The following EP300 variants were observed in gnomAD, a reference collection of about 807,000 sequenced individuals.
The protein encoded by EP300 is histone acetyltransferase p300.
EP300 carries 31 observed loss-of-function variants against 264.0 expected under a neutral mutation model. That is an observed-to-expected ratio of 0.12 (90% CI 0.09 to 0.16). The LOEUF (loss-of-function observed/expected upper bound fraction) is 0.16, where lower values mean the gene tolerates loss of function less well. Ranked by LOEUF, EP300 falls within the 10% of genes least tolerant of loss-of-function variation. EP300 has a pLI of 1.00. For missense variants in EP300, 2,766 were observed against 3,052.9 expected (o/e 0.91, Z 2.21); for synonymous variants, 1,340 against 1,045.4 (o/e 1.28, Z -5.44).
chr22:41,178,022 C>A lies in EP300; in HGVS notation c.6311C>A (p.Pro2104His), dbSNP rs138584705. ...NSNPQPIPGQ[P>H]GMPQGQPGLQ... ...AATCCACAACCCATCCCTGGGCAGC[C>A]TGGCATGCCCCAGGGGCAGCCAGGG... is the stretch of plus-strand genomic sequence containing the variant. The change falls in exon 31 of 31, where the codon CCT becomes CAT. Residue 2104 changes from proline to histidine, a missense_variant. Coordinates refer to ENST00000263253, the MANE Select transcript of EP300 (RefSeq NM_001429.4). 2.5e-6 allele frequency: 4 copies of A among 1,613,968 alleles called. No individual in the cohort carries two copies. The highest frequency in any genetic ancestry group is 2.5e-6 in the Non-Finnish European group (3 of 1,179,984).
rs1172068871 is a variant in EP300 at position 41,167,728 on chromosome 22, C to A, written c.3875-721C>A. On this transcript the variant is annotated intron_variant, in intron 23 of 30. Coordinates refer to ENST00000263253, the MANE Select transcript of EP300 (RefSeq NM_001429.4). ...TGAACTCCTGGATTCAAGCAATCCT[C>A]CCACCTCAGCCTCCCAAAGTACAAG... 1.9e-4 allele frequency among the ~76,000 whole-genome samples: 28 copies of A among 143,980 alleles called. 1 individual carries two copies. Among genetic ancestry groups the A allele is most frequent in the Non-Finnish European group, 7.5e-5 (5 of 66,304 alleles). The allele number at this position is 143,980 out of a possible 152,430, so 94.5% of individuals were successfully genotyped here.
chr22:41,154,954 T>A, intron 16 of EP300, 41 bp from the exon 17 acceptor site: 1 of 1,351,088 alleles, frequency 7.4e-7, no homozygotes, highest in Non-Finnish European at 1.1e-6. Flanking sequence ...GTTCTTCTGC[T>A]TAATTGGTAA....
intron 21 of EP300, among the ~76,000 whole-genome samples, chr22:41,163,456 T>A (rs1222788351): frequency 2.4e-5 from 3 of 124,768 alleles, no homozygotes; most frequent in East Asian, 5.3e-4. Context: ...AAAAAAAAAA[T>A]TAGCCAGGTT....
chr22:41,138,580 C>G (rs1243955420), intron 8 of EP300, among the ~76,000 whole-genome samples: 6 of 152,158 alleles, frequency 3.9e-5, no homozygotes, highest in Admixed American at 2.6e-4. Context: ...GGCACTCTCC[C>G]CTTACGAACT....
At chr22:41,120,525 A>G (rs1276747643) in intron 2 of EP300, among the ~76,000 whole-genome samples, 1 of 152,202 alleles carries the variant, frequency 6.6e-6, no homozygotes, top group Non-Finnish European at 1.5e-5. Context: ...TTGGCAAATG[A>G]CATCAGCTTT....
At chr22:41,093,157 C>T (rs540556596) in intron 1 of EP300, 59 bp downstream of exon 1, 27 of 1,524,018 alleles carry the variant, frequency 1.8e-5, no homozygotes, top group African/African-American at 4.1e-5. Flanking sequence ...CTCGGTGCGC[C>T]TTTATTCTTC....
intron 27 of EP300, 130 bp downstream of exon 27, chr22:41,170,701 AC>A (rs1370098639): frequency 1.5e-5 from 15 of 1,023,928 alleles, no homozygotes; most frequent in Non-Finnish European, 1.9e-5. Context: ...TCGCTCTGTC[AC>A]GCAGGCTGGA....
intron 18 of EP300, 72 bp downstream of exon 18, chr22:41,157,480 AAG>A: frequency 6.8e-7 from 1 of 1,477,196 alleles, no homozygotes; most frequent in South Asian, 1.1e-5. Context: ...TGACTGGGAT[AAG>A]AGAATATCCT....
At chr22:41,166,838 A>C (rs1211992121) in intron 23 of EP300, among the ~76,000 whole-genome samples, 172 bp downstream of exon 23, 1 of 152,238 alleles carries the variant, frequency 6.6e-6, no homozygotes, top group Non-Finnish European at 1.5e-5. Context: ...GAAATTTATT[A>C]GACCAAAGAA....
Position 41,147,860 on chromosome 22 carries a change from A to G in EP300, c.2155A>G (p.Ser719Gly), listed in dbSNP as rs199552095. ...AGGTTTGAATCAATTTGGCCAGATG[A>G]GCATGGCCCAGCCCCCTATTGTACC... ...QSGLNQFGQMSMAQPPIVPRQ... is the reference protein window; with the variant it reads ...QSGLNQFGQMGMAQPPIVPRQ... The change falls in exon 12 of 31, where the codon AGC becomes GGC. Residue 719 changes from serine (S) to glycine (G), a missense_variant. Physicochemically the swap from Ser to Gly is moderately conservative, Grantham distance 56 (BLOSUM62 0). Coordinates refer to ENST00000263253, the MANE Select transcript of EP300 (RefSeq NM_001429.4). The G allele has an allele frequency of 2.5e-6, 4 of 1,614,144 alleles. No individual in the cohort carries two copies. The highest frequency in any genetic ancestry group is 3.4e-6 in the Non-Finnish European group (4 of 1,179,992).
At chr22:41,170,652 A>AAT in intron 27 of EP300, 81 bp downstream of exon 27, 57 of 915,204 alleles carry the variant, frequency 6.2e-5, no homozygotes, top group Non-Finnish European at 8.2e-5. Flanking sequence ...CTGTCATTTA[A>AAT]CTTTTTTTTT....
At chr22:41,124,651 A>G (rs933867025) in intron 2 of EP300, among the ~76,000 whole-genome samples, 2 of 152,170 alleles carry the variant, frequency 1.3e-5, no homozygotes, top group Non-Finnish European at 2.9e-5. Context: ...TAGTCAAAAA[A>G]AAGAAGAAGA....
In EP300 at chr22:41,146,833, ATTTT is replaced by A. The variant is rs766192274; in HGVS notation, c.2131+21_2131+24del. ...CACAATCTGGTAAATAGTGAAAAAAATTTTTTTATTTTAAAAGAATCCCCGGTGT... is the reference window on the plus strand; with the variant it reads ...CACAATCTGGTAAATAGTGAAAAAAATTTATTTTAAAAGAATCCCCGGTGT... On this transcript the variant is annotated intron_variant, in intron 11 of 30. Coordinates refer to ENST00000263253, the MANE Select transcript of EP300 (RefSeq NM_001429.4). 7.5e-6 allele frequency: 12 copies of A among 1,608,870 alleles called. No homozygotes were observed. Among genetic ancestry groups the A allele is most frequent in the Non-Finnish European group, 1.0e-5 (12 of 1,176,752 alleles).
chr22:41,123,702 A>C (rs761489850), intron 2 of EP300, among the ~76,000 whole-genome samples: 6 of 152,166 alleles, frequency 3.9e-5, no homozygotes, highest in Non-Finnish European at 8.8e-5. Context: ...AGTGATGATG[A>C]CTTGTAGTTG....
At chr22:41,133,152 T>TCCCCCCCCCCCCCCCC (rs71821697) in intron 6 of EP300, among the ~76,000 whole-genome samples, 1 of 65,066 alleles carries the variant, frequency 1.5e-5, no homozygotes, top group Non-Finnish European at 3.4e-5. Flanking sequence ...CCTAAGATTA[T>TCCCCCCCCCCCCCCCC]CCCCCCCCCC....
intron 21 of EP300, among the ~76,000 whole-genome samples, chr22:41,163,839 A>G (rs1298665872): frequency 1.3e-5 from 2 of 152,188 alleles, no homozygotes; most frequent in Non-Finnish European, 2.9e-5. Flanking sequence ...GCTTGAGCCC[A>G]GGAGTTTAAG....
At chr22:41,113,296 T>G (rs1019745167) in intron 1 of EP300, among the ~76,000 whole-genome samples, 4 of 152,134 alleles carry the variant, frequency 2.6e-5, no homozygotes, top group Non-Finnish European at 5.9e-5. Context: ...TGTATAAAGT[T>G]GATAGTATTG....
Position 41,122,157 on chromosome 22 carries a change from C to CTTTTTT in EP300, c.730-3688_730-3683dup, listed in dbSNP as rs71328774. Among the ~76,000 whole-genome samples, 66 of 35,832 alleles carry CTTTTTT rather than the reference C, an allele frequency of 1.8e-3. 1 individual carries two copies. Among genetic ancestry groups the CTTTTTT allele is most frequent in the Admixed American group, 3.6e-3 (7 of 1,944 alleles). The allele number at this position is 35,832 out of a possible 152,430, so 23.5% of individuals were successfully genotyped here. A position where few individuals can be genotyped will look rare whatever the true frequency, so the allele number is the denominator to read the frequency against. On this transcript the variant is annotated intron_variant, in intron 2 of 30. Coordinates refer to ENST00000263253, the MANE Select transcript of EP300 (RefSeq NM_001429.4). The stretch of plus-strand genomic sequence containing the variant: ...GAAGGTTTTTTTCTTTCTTCTTCTT[C>CTTTTTT]TTTTTTTTTTTTTTTTTTTTTTTTG...
chr22:41,095,745 C>T (rs1417430767), intron 1 of EP300, among the ~76,000 whole-genome samples: 4 of 151,746 alleles, frequency 2.6e-5, no homozygotes, highest in Non-Finnish European at 5.9e-5. Context: ...GAAATAAGCC[C>T]GAAATTCTAG....
Sources: gnomAD v4.1 joint callset for allele counts (sites outside exome capture counted in the v4.1 genomes callset) on GRCh38, gnomAD v4.1.1 for gene constraint, MANE v1.5 for transcripts, NCBI Gene and HGNC (gene_info 2026-07-23, HGNC 2026-07-21) for gene names.